ATOSA: variants seen among roughly 807,000 people sequenced by gnomAD.
The protein encoded by ATOSA is atos homolog protein A.
chr15:52,670,786 CCA>C, the ATOSA span, among the ~76,000 whole-genome samples: 44,576 of 151,952 alleles, frequency 0.29, 9,068 homozygotes, highest in East Asian at 0.86. Context: ...GTAAATTAGT[CCA>C]CATTTATATA....
the ATOSA span, among the ~76,000 whole-genome samples, chr15:52,614,271 A>AT: frequency 6.6e-6 from 1 of 151,350 alleles, no homozygotes. Context: ...ACGCATGGCT[A>AT]TTTTTTGTAT....
the ATOSA span, among the ~76,000 whole-genome samples, chr15:52,691,339 C>G: frequency 6.6e-6 from 1 of 152,092 alleles, no homozygotes; most frequent in East Asian, 1.9e-4. Context: ...TTCTTGTCTT[C>G]AACTAAATAG....
chr15:52,624,662 A>C, the ATOSA span, among the ~76,000 whole-genome samples: 3 of 152,242 alleles, frequency 2.0e-5, no homozygotes, highest in Admixed American at 2.0e-4. Context: ...ATTTCTTTAG[A>C]ATATTCTTAA....
the ATOSA span, among the ~76,000 whole-genome samples, chr15:52,687,603 G>A: frequency 6.6e-6 from 1 of 152,154 alleles, no homozygotes; most frequent in Non-Finnish European, 1.5e-5. Flanking sequence ...GTAGGATGGT[G>A]GAAGCTATTC....
At chr15:52,689,115 A>G in the ATOSA span, among the ~76,000 whole-genome samples, 5 of 152,102 alleles carry the variant, frequency 3.3e-5, no homozygotes, top group Non-Finnish European at 7.4e-5. Context: ...TATTCCCCCC[A>G]AAAAACATTA....
At chr15:52,605,145 A>T in the ATOSA span, 2 of 1,607,874 alleles carry the variant, frequency 1.2e-6, no homozygotes, top group Non-Finnish European at 1.7e-6. Context: ...GGCTTGAAAG[A>T]AGAGGCAATC....
At chr15:52,672,172 C>CAAAAAAAAAAAAAA in the ATOSA span, among the ~76,000 whole-genome samples, 107 of 62,576 alleles carry the variant, frequency 1.7e-3, 9 homozygotes, top group African/African-American at 6.7e-3. Context: ...CCCCATTTCT[C>CAAAAAAAAAAAAAA]AAAAAAAAAA....
At chr15:52,628,308 A>T in the ATOSA span, among the ~76,000 whole-genome samples, 41,459 of 152,026 alleles carry the variant, frequency 0.27, 7,445 homozygotes, top group East Asian at 0.85. Flanking sequence ...AAATCTAAGT[A>T]ATGTTAGAAT....
the ATOSA span, among the ~76,000 whole-genome samples, chr15:52,590,927 C>T: frequency 1.3e-5 from 2 of 152,166 alleles, no homozygotes; most frequent in South Asian, 2.1e-4. Context: ...AATTCAGTAA[C>T]CTGATTTATA....
At chr15:52,584,145 CTT>C in the ATOSA span, among the ~76,000 whole-genome samples, 15 of 125,290 alleles carry the variant, frequency 1.2e-4, no homozygotes, top group Admixed American at 1.6e-4. Flanking sequence ...GCTCATATTA[CTT>C]TTTTTTTTTT....
At chr15:52,642,337 T>C in the ATOSA span, among the ~76,000 whole-genome samples, 1 of 152,210 alleles carries the variant, frequency 6.6e-6, no homozygotes, top group African/African-American at 2.4e-5. Flanking sequence ...TTCATTTTTG[T>C]AATAAACTAG....
chr15:52,593,540 G>C, the ATOSA span: 8 of 1,509,090 alleles, frequency 5.3e-6, no homozygotes, highest in Non-Finnish European at 7.1e-6. Context: ...TAAGTTGGTT[G>C]ATTTGGCAGG....
the ATOSA span, among the ~76,000 whole-genome samples, chr15:52,615,936 A>G: frequency 6.6e-6 from 1 of 152,214 alleles, no homozygotes; most frequent in Admixed American, 6.5e-5. Flanking sequence ...TTTGCCCAAG[A>G]TCATCCAGCT....
chr15:52,689,561 G>T, the ATOSA span, among the ~76,000 whole-genome samples: 6 of 152,188 alleles, frequency 3.9e-5, no homozygotes, highest in Non-Finnish European at 7.3e-5. Context: ...GGCCATGAAA[G>T]GTGCTTCAGT....
chr15:52,639,137 T>C, the ATOSA span, among the ~76,000 whole-genome samples: 1 of 151,986 alleles, frequency 6.6e-6, no homozygotes, highest in African/African-American at 2.4e-5. Context: ...GTTTACCTTT[T>C]ATATTAAGTA....
At chr15:52,611,122 A>T in the ATOSA span, 1 of 1,609,128 alleles carries the variant, frequency 6.2e-7, no homozygotes, top group Admixed American at 1.7e-5. Context: ...TTTTGGCCCT[A>T]GACATACCTG....
At chr15:52,621,536 C>T in the ATOSA span, among the ~76,000 whole-genome samples, 3 of 152,166 alleles carry the variant, frequency 2.0e-5, no homozygotes, top group African/African-American at 7.2e-5. Context: ...TTGTAATAAT[C>T]CCCACGTGTC....
chr15:52,707,624 G>A, the ATOSA span, among the ~76,000 whole-genome samples: 1 of 152,186 alleles, frequency 6.6e-6, no homozygotes, highest in Middle Eastern at 3.4e-3. Flanking sequence ...ATAGACAGTA[G>A]GTTAGATAAA....
At chr15:52,608,536 G>A in the ATOSA span, 2 of 1,519,136 alleles carry the variant, frequency 1.3e-6, no homozygotes, top group Non-Finnish European at 8.8e-7. Context: ...AAATATTTGA[G>A]ACTTACATTT....
Sources: allele counts gnomAD v4.1 joint callset (sites outside exome capture counted in the v4.1 genomes callset), GRCh38; gene constraint gnomAD v4.1.1; transcripts MANE v1.5; gene names NCBI Gene and HGNC (gene_info 2026-07-23, HGNC 2026-07-21).